The following MAP7 variants were observed in gnomAD, a reference collection of about 807,000 sequenced individuals.
MAP7 encodes ensconsin.
In MAP7, 52 loss-of-function variants were observed where a neutral mutation model predicts 94.8. The observed-to-expected ratio is 0.55, with a 90% confidence interval of 0.44 to 0.69. The LOEUF is 0.69. MAP7 is among the 30% of genes least tolerant of loss of function. MAP7 has a pLI of 0.00. For missense variants in MAP7, 940 were observed against 964.6 expected (o/e 0.97, Z 0.34); for synonymous variants, 350 against 357.0 (o/e 0.98, Z 0.22).
chr6:136,366,487 A>AT, intron 8 of MAP7, 48 bp from the exon 9 acceptor site: 1 of 1,275,184 alleles, frequency 7.8e-7, no homozygotes, highest in East Asian at 2.3e-5. Flanking sequence ...AAGCGAGGCA[A>AT]ACACACTCAC....
At chr6:136,540,494 T>C (rs925743834) in intron 1 of MAP7, among the ~76,000 whole-genome samples, 1 of 152,224 alleles carries the variant, frequency 6.6e-6, no homozygotes, top group Admixed American at 6.5e-5. Context: ...TGTGCGTACA[T>C]GTGGACACTG....
intron 1 of MAP7, among the ~76,000 whole-genome samples, chr6:136,532,819 G>A (rs1031619255): frequency 5.3e-5 from 8 of 152,168 alleles, no homozygotes; most frequent in Admixed American, 2.0e-4. Context: ...GCAACTCTGC[G>A]TTTCATTATT....
intron 1 of MAP7, among the ~76,000 whole-genome samples, chr6:136,488,107 A>G (rs1395298997): frequency 2.6e-5 from 4 of 152,224 alleles, no homozygotes; most frequent in Non-Finnish European, 5.9e-5. Flanking sequence ...CACTTTTTAA[A>G]GTTTTAAGTA....
At chr6:136,401,174 C>A (rs1164790118) in intron 3 of MAP7, among the ~76,000 whole-genome samples, 1 of 152,106 alleles carries the variant, frequency 6.6e-6, no homozygotes, top group African/African-American at 2.4e-5. Context: ...CATAGCAAGA[C>A]CCCCATCTCC....
chr6:136,389,458 G>T lies in MAP7; in HGVS notation c.304C>A (p.His102Asn), dbSNP rs1780078193. ...AACCTCTTCTTCCGCTCTTCCAGGT[G>T]CTTCTCGTAGTGCTGCCTGGCTCGC... ...EERARQHYEK[H>N]LEERKKRLEE... Residue 102 changes from histidine (H) to asparagine (N), a missense_variant, in exon 4 of 18, where the codon CAC (histidine) becomes AAC (asparagine). Transcript: ENST00000354570. The T allele has an allele frequency of 6.2e-7, 1 of 1,609,512 alleles. No individual in the cohort carries two copies. The highest frequency in any genetic ancestry group is 8.5e-7 in the Non-Finnish European group (1 of 1,178,534).
chr6:136,411,526 G>A (rs12176346), intron 3 of MAP7, 94 bp downstream of exon 3: 44,721 of 1,024,950 alleles, frequency 0.044, 3,955 homozygotes, highest in East Asian at 0.28. Context: ...CTGCCTCATA[G>A]TCCATCTGTA....
intron 3 of MAP7, among the ~76,000 whole-genome samples, chr6:136,393,653 A>T (rs1231755021): frequency 2.0e-5 from 3 of 152,062 alleles, no homozygotes; most frequent in African/African-American, 7.2e-5. Context: ...TATTTATTTT[A>T]GAGCCAGGGT....
At chr6:136,347,985 G>C (rs1014225872) in intron 16 of MAP7, among the ~76,000 whole-genome samples, 3 of 151,448 alleles carry the variant, frequency 2.0e-5, no homozygotes, top group African/African-American at 7.3e-5. Flanking sequence ...GTCTCCACAA[G>C]AGTACAGTCA....
rs913632600 is a variant in MAP7 at position 136,463,543 on chromosome 6, C to T, written c.68-41744G>A. On this transcript the variant is annotated intron_variant, in intron 1 of 17. Coordinates refer to ENST00000354570, the MANE Select transcript of MAP7 (RefSeq NM_003980.6). Reference sequence around the variant, plus strand: ...TGTTTTGCTGAGGTGTTTTTTCCACCTTAACTAGTGATATTTTGGCAAATA... The same window carrying T: ...TGTTTTGCTGAGGTGTTTTTTCCACTTTAACTAGTGATATTTTGGCAAATA... Among the ~76,000 whole-genome samples, 3 of 151,944 alleles carry T rather than the reference C, an allele frequency of 2.0e-5. No homozygotes were observed. In the East Asian group the frequency reaches 5.8e-4, roughly 29 times the overall value.
intron 1 of MAP7, among the ~76,000 whole-genome samples, chr6:136,456,976 A>C (rs1803464564): frequency 6.6e-6 from 1 of 151,846 alleles, no homozygotes; most frequent in Non-Finnish European, 1.5e-5. Context: ...GAGCAGGAAA[A>C]AAAAGGAGAA....
At chr6:136,400,908 C>A (rs1783881257) in intron 3 of MAP7, among the ~76,000 whole-genome samples, 1 of 152,206 alleles carries the variant, frequency 6.6e-6, no homozygotes, top group African/African-American at 2.4e-5. Context: ...CTGGAACTTT[C>A]TTTGTCTTCC....
At chr6:136,364,536 T>G (rs7738075) in intron 10 of MAP7, 211,732 of 249,702 alleles carry the variant, frequency 0.85, 90,017 homozygotes, top group Admixed American at 0.89. Context: ...TCTTCAAAAG[T>G]TGGAGACTAT....
intron 17 of MAP7, among the ~76,000 whole-genome samples, chr6:136,344,959 T>A (rs573790202): frequency 2.6e-5 from 4 of 152,366 alleles, no homozygotes; most frequent in African/African-American, 7.2e-5. Context: ...TCCATTTAGT[T>A]ATCCTGAATT....
At chr6:136,471,695 C>T (rs908790087) in intron 1 of MAP7, among the ~76,000 whole-genome samples, 6 of 152,188 alleles carry the variant, frequency 3.9e-5, no homozygotes, top group African/African-American at 1.2e-4. Context: ...TCTGCATTTA[C>T]ATTACCCTGG....
chr6:136,407,951 A>T (rs933887767), intron 3 of MAP7, among the ~76,000 whole-genome samples: 7 of 152,184 alleles, frequency 4.6e-5, no homozygotes, highest in African/African-American at 1.7e-4. Context: ...TCAGTTTTGG[A>T]GTGAAAGAAA....
At position 136,527,089 on chromosome 6, in the gene MAP7, C is replaced by T. The variant is rs78466231; in HGVS notation, c.67+23253G>A. 4.8e-3 allele frequency among the ~76,000 whole-genome samples: 727 copies of T among 152,294 alleles called. 10 individuals carry two copies. Among genetic ancestry groups the T allele is most frequent in the African/African-American group, 0.017 (697 of 41,550 alleles). On this transcript the variant is annotated intron_variant, in intron 1 of 17. Transcript: ENST00000354570. ...CTATTACACCCAGCACACCCCCCAC[C>T]CTCAATCCCTACCGCTCTGGGCAGT...
intron 1 of MAP7, among the ~76,000 whole-genome samples, chr6:136,437,466 C>T (rs1441844072): frequency 6.6e-6 from 1 of 152,212 alleles, no homozygotes; most frequent in Non-Finnish European, 1.5e-5. Flanking sequence ...CCGGTTCCAT[C>T]AGGAGCTCCC....
chr6:136,412,631 A>C (rs190935255), intron 2 of MAP7, among the ~76,000 whole-genome samples: 19 of 152,212 alleles, frequency 1.2e-4, no homozygotes, highest in Admixed American at 6.5e-4. Context: ...GTGTTCCAGA[A>C]ACAATAGGGA....
intron 1 of MAP7, among the ~76,000 whole-genome samples, chr6:136,504,338 C>A (rs894213190): frequency 6.6e-6 from 1 of 151,676 alleles, no homozygotes; most frequent in Non-Finnish European, 1.5e-5. Flanking sequence ...ATAAATACAT[C>A]GTTTTTTGTT....
Sources: gnomAD v4.1 joint callset for allele counts (sites outside exome capture counted in the v4.1 genomes callset) on GRCh38, gnomAD v4.1.1 for gene constraint, MANE v1.5 for transcripts, NCBI Gene and HGNC (gene_info 2026-07-23, HGNC 2026-07-21) for gene names.